Variants in ORC5 observed in about 807,000 individuals in gnomAD.
ORC5 encodes origin recognition complex subunit 5, also known as protein phosphatase 1, regulatory subunit 117.
ORC5 carries 39 observed loss-of-function variants against 58.8 expected under a neutral mutation model. That is an observed-to-expected ratio of 0.66 (90% confidence interval 0.51 to 0.87). The LOEUF (loss-of-function observed/expected upper bound fraction) is 0.87. ORC5 is among the 40% of genes least tolerant of loss of function. The pLI, the probability that ORC5 is intolerant of heterozygous loss-of-function variation, is 0.00. For missense variants in ORC5, 493 were observed against 506.3 expected (o/e 0.97, Z 0.25); for synonymous variants, 218 against 177.6 (o/e 1.23, Z -1.81).
intron 12 of ORC5, among the ~76,000 whole-genome samples, chr7:104,158,076 G>T (rs942100211): frequency 2.0e-5 from 3 of 151,946 alleles, no homozygotes; most frequent in African/African-American, 7.2e-5. Flanking sequence ...ATGTAAATGA[G>T]AAATATTTAA....
chr7:104,200,867 G>A lies in ORC5; in HGVS notation c.257C>T (p.Ser86Leu). 1 of 1,612,820 alleles carries A rather than the reference G, an allele frequency of 6.2e-7. No individual in the cohort carries two copies. The highest frequency in any genetic ancestry group is 8.5e-7 in the Non-Finnish European group (1 of 1,178,908). The change falls in exon 3 of 14, where the codon TCA becomes TTA. Residue 86 changes from serine to leucine, a missense_variant. Physicochemically the swap from Ser to Leu is moderately radical, Grantham distance 145. Around this residue, in one of 3 missense-constraint regions of ORC5, gnomAD observed 412 missense variants for 403.7 expected, o/e 1.02. Transcript: ENST00000297431. Reference protein sequence around the residue: ...ILNKLNHLSSSEDGCSTEITC... With the variant: ...ILNKLNHLSSLEDGCSTEITC... ...TATTTCAGTAGAACATCCATCCTCTGAAGAACTAAGATGATTCAATTTGTT... is the reference window on the plus strand; with the variant it reads ...TATTTCAGTAGAACATCCATCCTCTAAAGAACTAAGATGATTCAATTTGTT...
intron 12 of ORC5, among the ~76,000 whole-genome samples, chr7:104,137,291 T>C (rs1015286603): frequency 6.6e-6 from 1 of 151,830 alleles, no homozygotes; most frequent in Non-Finnish European, 1.5e-5. Context: ...AAACAATTTT[T>C]TATTGTTTTG....
chr7:104,139,412 C>T (rs955289560), intron 12 of ORC5, among the ~76,000 whole-genome samples: 1 of 152,128 alleles, frequency 6.6e-6, no homozygotes, highest in African/African-American at 2.4e-5. Context: ...GATCTACTGG[C>T]TTAGCAAGAA....
At chr7:104,176,139 T>A (rs1799317225) in intron 8 of ORC5, among the ~76,000 whole-genome samples, 1 of 152,236 alleles carries the variant, frequency 6.6e-6, no homozygotes, top group South Asian at 2.1e-4. Flanking sequence ...AACTGGTGTG[T>A]ATATGTGTTT....
At chr7:104,174,628 CTAA>C (rs1799284335) in intron 8 of ORC5, among the ~76,000 whole-genome samples, 1 of 152,150 alleles carries the variant, frequency 6.6e-6, no homozygotes. Context: ...CACTGTATCG[CTAA>C]TAATTGGTCA....
At chr7:104,173,710 C>T (rs1799259388) in intron 8 of ORC5, among the ~76,000 whole-genome samples, 1 of 152,266 alleles carries the variant, frequency 6.6e-6, no homozygotes, top group Non-Finnish European at 1.5e-5. Context: ...GACAAGTGTC[C>T]TTCTGGTTTG....
chr7:104,203,370 CAG>C (rs1312792220), intron 2 of ORC5, among the ~76,000 whole-genome samples: 2 of 152,142 alleles, frequency 1.3e-5, no homozygotes, highest in Non-Finnish European at 2.9e-5. Context: ...GCAGGTGAGA[CAG>C]AAACTACGTG....
chr7:104,165,058 T>C (rs899606119), intron 11 of ORC5, among the ~76,000 whole-genome samples, 177 bp downstream of exon 11: 1 of 152,210 alleles, frequency 6.6e-6, no homozygotes, highest in South Asian at 2.1e-4. Flanking sequence ...GCAGCTCACC[T>C]AAATGTGCAT....
intron 11 of ORC5, among the ~76,000 whole-genome samples, chr7:104,164,474 G>A (rs1481128634): frequency 6.6e-6 from 1 of 152,188 alleles, no homozygotes; most frequent in African/African-American, 2.4e-5. Context: ...TATTGTAGGA[G>A]TTCAAGAACA....
intron 11 of ORC5, among the ~76,000 whole-genome samples, chr7:104,163,783 G>T (rs1811138921): frequency 6.6e-6 from 1 of 152,168 alleles, no homozygotes; most frequent in South Asian, 2.1e-4. Context: ...GAGGCACCCC[G>T]CCCAGCCGGG....
chr7:104,171,583 C>A (rs1214689497), intron 8 of ORC5, among the ~76,000 whole-genome samples: 2 of 152,012 alleles, frequency 1.3e-5, no homozygotes, highest in Non-Finnish European at 1.5e-5. Context: ...TCATTACCAA[C>A]TCTCAAAGGA....
At chr7:104,207,223 C>T (rs1050885931) in intron 1 of ORC5, among the ~76,000 whole-genome samples, 1 of 147,986 alleles carries the variant, frequency 6.8e-6, no homozygotes, top group Non-Finnish European at 1.5e-5. Flanking sequence ...GTGAACGCTA[C>T]CCTCTGCCTA....
chr7:104,135,254 G>A (rs934565108), intron 13 of ORC5, among the ~76,000 whole-genome samples: 1 of 152,120 alleles, frequency 6.6e-6, no homozygotes, highest in Non-Finnish European at 1.5e-5. Flanking sequence ...TAGATATAAA[G>A]TTCCAATATA....
intron 8 of ORC5, among the ~76,000 whole-genome samples, chr7:104,175,347 T>C (rs2115923780): frequency 6.6e-6 from 1 of 152,366 alleles, no homozygotes; most frequent in East Asian, 1.9e-4. Context: ...ATTTTTTTCC[T>C]GCCTACTTTG....
chr7:104,175,194 G>A (rs956739055), intron 8 of ORC5, among the ~76,000 whole-genome samples: 2 of 152,086 alleles, frequency 1.3e-5, no homozygotes, highest in African/African-American at 4.8e-5. Context: ...AGGCCCAAAC[G>A]GATTTGCCGC....
chr7:104,150,545 CAA>C (rs370761551), intron 12 of ORC5, among the ~76,000 whole-genome samples: 19 of 128,870 alleles, frequency 1.5e-4, no homozygotes, highest in African/African-American at 3.2e-4. Context: ...ATTTTCATTT[CAA>C]AAAAAAAAAA....
chr7:104,160,243 G>A (rs184181850), intron 12 of ORC5, among the ~76,000 whole-genome samples: 1 of 152,214 alleles, frequency 6.6e-6, no homozygotes, highest in East Asian at 1.9e-4. Context: ...AAAGTTACCA[G>A]CACACATTAG....
chr7:104,137,749 A>G (rs1394548132), intron 12 of ORC5, among the ~76,000 whole-genome samples: 1 of 152,040 alleles, frequency 6.6e-6, no homozygotes, highest in Non-Finnish European at 1.5e-5. Flanking sequence ...CTTCAGGGGA[A>G]AACCACCTTC....
intron 8 of ORC5, among the ~76,000 whole-genome samples, chr7:104,181,949 A>ACTCTTGTG (rs1799442582): frequency 1.3e-5 from 2 of 152,192 alleles, no homozygotes; most frequent in African/African-American, 4.8e-5. Flanking sequence ...GAGGTTTTAA[A>ACTCTTGTG]ATCTATGTGA....
Sources: gnomAD v4.1 joint callset for allele counts (sites outside exome capture counted in the v4.1 genomes callset) on GRCh38, gnomAD v4.1.1 for gene constraint, gnomAD v4.1.1 regional missense constraint, MANE v1.5 for transcripts, NCBI Gene and HGNC (gene_info 2026-07-23, HGNC 2026-07-21) for gene names.